The following FOXP2 variants were observed in gnomAD, a reference collection of about 807,000 sequenced individuals.
The protein encoded by FOXP2 is forkhead box P2, also known as forkhead box protein P2.
FOXP2 carries 12 observed loss-of-function variants against 115.8 expected under a neutral mutation model. The ratio of observed to expected loss-of-function variants is 0.10; its 90% confidence interval spans 0.07 to 0.17. The LOEUF (loss-of-function observed/expected upper bound fraction) is 0.17. FOXP2 is among the 10% of genes least tolerant of loss of function. The probability of loss-of-function intolerance (pLI) is 1.00; values close to 1 mark genes in which losing one functional copy is unlikely to be tolerated. For synonymous variants in FOXP2, 328 were observed against 297.7 expected, an observed-to-expected ratio of 1.10 and a Z score of -1.05; for missense variants, 629 against 843.5, an observed-to-expected ratio of 0.75 and a Z score of 3.15.
chr7:114,554,166 C>G (rs1800344521), intron 3 of FOXP2, among the ~76,000 whole-genome samples: 1 of 151,906 alleles, frequency 6.6e-6, no homozygotes, highest in Admixed American at 6.6e-5. Flanking sequence ...TTTTTAGGGT[C>G]AGGAAACATT....
upstream of FOXP2, among the ~76,000 whole-genome samples, chr7:114,159,772 C>CA (rs1460447395): frequency 6.6e-6 from 1 of 151,882 alleles, no homozygotes; most frequent in Non-Finnish European, 1.5e-5. Context: ...GAAGGTTCAC[C>CA]AAAAAAATCA....
At chr7:114,371,332 T>C (rs932625064) in intron 2 of FOXP2, among the ~76,000 whole-genome samples, 3 of 151,692 alleles carry the variant, frequency 2.0e-5, no homozygotes, top group African/African-American at 4.8e-5. Context: ...GTGATCCTCC[T>C]GCCTCAGCCT....
intron 1 of FOXP2, among the ~76,000 whole-genome samples, chr7:114,174,729 T>A (rs1175560504): frequency 1.3e-5 from 2 of 152,106 alleles, no homozygotes; most frequent in Non-Finnish European, 2.9e-5. Flanking sequence ...TAAAAATTGA[T>A]GTTTGTTTCA....
chr7:114,373,780 A>G (rs1247313604), intron 2 of FOXP2, among the ~76,000 whole-genome samples: 3 of 152,192 alleles, frequency 2.0e-5, no homozygotes, highest in Non-Finnish European at 4.4e-5. Flanking sequence ...TTTCTCATTT[A>G]TGCTTTATAG....
At chr7:114,635,421 T>C (rs1453484960) in intron 6 of FOXP2, among the ~76,000 whole-genome samples, 3 of 152,174 alleles carry the variant, frequency 2.0e-5, no homozygotes, top group African/African-American at 4.8e-5. Flanking sequence ...AAGTTTTCCA[T>C]TTGTAACTTG....
At chr7:114,248,212 GAC>G (rs1491125878) in intron 1 of FOXP2, among the ~76,000 whole-genome samples, 9 of 130,962 alleles carry the variant, frequency 6.9e-5, no homozygotes, top group Non-Finnish European at 1.4e-4. Context: ...GAGAGAGAGA[GAC>G]AGAGAGACAG....
intron 16 of FOXP2, among the ~76,000 whole-genome samples, chr7:114,684,807 T>C (rs1170484165): frequency 2.0e-5 from 3 of 152,196 alleles, no homozygotes; most frequent in African/African-American, 7.2e-5. Context: ...CATTAGAAGA[T>C]TTCATTTGTA....
chr7:114,262,204 G>C (rs1198833456), intron 1 of FOXP2, among the ~76,000 whole-genome samples: 1 of 152,024 alleles, frequency 6.6e-6, no homozygotes. Flanking sequence ...AGGCAGGATT[G>C]CTGGAGGTCA....
intron 1 of FOXP2, among the ~76,000 whole-genome samples, chr7:114,264,360 C>T (rs918427966): frequency 6.6e-6 from 1 of 152,064 alleles, no homozygotes; most frequent in Non-Finnish European, 1.5e-5. Context: ...TAAAGGTGAC[C>T]TGAGACCAAA....
chr7:114,145,256 G>T (rs1210426674), intron 1 of FOXP2, among the ~76,000 whole-genome samples: 1 of 151,908 alleles, frequency 6.6e-6, no homozygotes, highest in Non-Finnish European at 1.5e-5. Context: ...AATAATAAAG[G>T]ATACAATTAA....
chr7:114,209,629 G>A (rs1303985943), intron 1 of FOXP2, among the ~76,000 whole-genome samples: 1 of 151,918 alleles, frequency 6.6e-6, no homozygotes, highest in Non-Finnish European at 1.5e-5. Context: ...TGTGTCTTGG[G>A]GTTGATTTTC....
chr7:114,390,509 T>TTTA, intron 2 of FOXP2, among the ~76,000 whole-genome samples: 1 of 146,426 alleles, frequency 6.8e-6, no homozygotes, highest in African/African-American at 2.5e-5. Context: ...CACCATACTT[T>TTTA]TGTTTTATTT....
At chr7:114,587,339 G>T (rs1053735176) in intron 3 of FOXP2, among the ~76,000 whole-genome samples, 1 of 152,012 alleles carries the variant, frequency 6.6e-6, no homozygotes, top group Non-Finnish European at 1.5e-5. Context: ...TTGGTTTTCT[G>T]ATCCTGTGTT....
chr7:114,490,999 A>G (rs1797019038), intron 2 of FOXP2, among the ~76,000 whole-genome samples: 1 of 152,224 alleles, frequency 6.6e-6, no homozygotes, highest in Admixed American at 6.5e-5. Flanking sequence ...AGCATGTTTT[A>G]TAATCCTTTG....
At chr7:114,230,201 A>G (rs953580738) in intron 1 of FOXP2, among the ~76,000 whole-genome samples, 10 of 151,916 alleles carry the variant, frequency 6.6e-5, no homozygotes, top group Non-Finnish European at 1.5e-4. Context: ...ATCAAAACAG[A>G]GTTATAACTA....
chr7:114,663,436 A>AT lies in FOXP2; in HGVS notation c.1770-4dup, dbSNP rs398005923. 522,977 of 1,387,822 alleles carry AT rather than the reference A, an allele frequency of 0.38. 71,325 individuals carry two copies. Among genetic ancestry groups the AT allele is most frequent in the Non-Finnish European group, 0.42 (417,912 of 995,302 alleles). The allele number at this position is 1,387,822 out of a possible 1,614,324, so 86.0% of individuals were successfully genotyped here. On this transcript the variant is annotated splice_polypyrimidine_tract_variant and intron_variant, in intron 14 of 16. Coordinates refer to ENST00000350908, the MANE Select transcript of FOXP2 (RefSeq NM_014491.4). ...TTTGACGTATAAATGATCTTTATAT[A>AT]TTTTTTTTTTCAGAAGTCCAACCTT...
At chr7:114,558,935 A>T (rs754576040) in intron 3 of FOXP2, among the ~76,000 whole-genome samples, 1 of 152,196 alleles carries the variant, frequency 6.6e-6, no homozygotes, top group Non-Finnish European at 1.5e-5. Flanking sequence ...ATGGCAATGT[A>T]TACATTAAAT....
intron 2 of FOXP2, among the ~76,000 whole-genome samples, chr7:114,303,102 G>A (rs557429067): frequency 6.6e-6 from 1 of 152,252 alleles, no homozygotes; most frequent in African/African-American, 2.4e-5. Context: ...GTTCCATTAT[G>A]CATCAAGTTA....
intron 1 of FOXP2, among the ~76,000 whole-genome samples, chr7:114,184,568 G>A (rs1275914321): frequency 6.6e-6 from 1 of 152,126 alleles, no homozygotes; most frequent in Non-Finnish European, 1.5e-5. Flanking sequence ...TCCAAGAACA[G>A]GGTTACTGGA....
Sources: gnomAD v4.1 joint callset for allele counts (sites outside exome capture counted in the v4.1 genomes callset) on GRCh38, gnomAD v4.1.1 for gene constraint, MANE v1.5 for transcripts, NCBI Gene and HGNC (gene_info 2026-07-23, HGNC 2026-07-21) for gene names.